The following EYS variants were observed in gnomAD, a reference collection of about 807,000 sequenced individuals.
EYS encodes protein eyes shut homolog.
EYS carries 250 observed loss-of-function variants against 282.1 expected under a neutral mutation model. The ratio of observed to expected loss-of-function variants is 0.89; its 90% CI spans 0.80 to 0.98. The LOEUF is 0.98. Ranked by LOEUF, EYS falls within the 50% of genes least tolerant of loss-of-function variation. The pLI is 0.00. For missense variants in EYS, 4,016 were observed against 3,709.0 expected, an observed-to-expected ratio of 1.08 and a Z score of -2.15; for synonymous variants, 1,355 against 1,282.9, an observed-to-expected ratio of 1.06 and a Z score of -1.20.
In EYS at chr6:63,972,885, A is replaced by G. The variant is rs138345839; in HGVS notation, c.7055+11498T>C. 8.2e-3 allele frequency among the ~76,000 whole-genome samples: 1,250 copies of G among 152,184 alleles called. 20 individuals carry two copies. Among genetic ancestry groups the G allele is most frequent in the African/African-American group, 0.027 (1,102 of 41,542 alleles). On this transcript the variant is annotated intron_variant, in intron 35 of 42. Transcript: ENST00000503581. ...CATGAACTCATCCTTTTTTATGGGT[A>G]CACAGTATTCCATGGTGTATATGTG... is the stretch of plus-strand genomic sequence containing the variant.
intron 7 of EYS, among the ~76,000 whole-genome samples, chr6:65,391,494 A>G (rs1035730943): frequency 9.2e-5 from 14 of 152,150 alleles, no homozygotes; most frequent in African/African-American, 3.1e-4. Flanking sequence ...AAATCAATGT[A>G]CAAAAATCAC....
chr6:63,960,726 C>A (rs1441804097), intron 35 of EYS, among the ~76,000 whole-genome samples: 1 of 152,180 alleles, frequency 6.6e-6, no homozygotes, highest in African/African-American at 2.4e-5. Context: ...TTGCCGAAGG[C>A]TTAAATGGTC....
intron 8 of EYS, among the ~76,000 whole-genome samples, chr6:65,382,475 G>C (rs1454026324): frequency 5.3e-5 from 8 of 150,822 alleles, no homozygotes; most frequent in South Asian, 2.1e-4. Context: ...GTGTGTGTGT[G>C]TGTGTGTGTG....
chr6:64,296,354 C>T (rs1001178995), intron 30 of EYS, among the ~76,000 whole-genome samples: 15 of 152,008 alleles, frequency 9.9e-5, no homozygotes, highest in South Asian at 4.2e-4. Context: ...CATATAACAG[C>T]GCCATTCTTA....
At chr6:65,280,048 T>A (rs750764978) in intron 12 of EYS, among the ~76,000 whole-genome samples, 7 of 152,178 alleles carry the variant, frequency 4.6e-5, no homozygotes, top group Non-Finnish European at 7.4e-5. Flanking sequence ...TGGTATCCTC[T>A]TATAAAGTCA....
chr6:63,881,301 T>C (rs1186066986), intron 35 of EYS, among the ~76,000 whole-genome samples: 2 of 152,186 alleles, frequency 1.3e-5, no homozygotes, highest in Non-Finnish European at 2.9e-5. Flanking sequence ...CCAAAACTGC[T>C]AGGCTCACTA....
intron 29 of EYS, among the ~76,000 whole-genome samples, chr6:64,310,078 A>AAAAAAAAAAAAC (rs1554142131): frequency 4.8e-5 from 7 of 145,222 alleles, no homozygotes; most frequent in African/African-American, 1.6e-4. Flanking sequence ...ATAAAAAAAA[A>AAAAAAAAAAAAC]AATAACAGAT....
At chr6:64,115,674 C>A (rs1190016389) in intron 31 of EYS, among the ~76,000 whole-genome samples, 1 of 152,120 alleles carries the variant, frequency 6.6e-6, no homozygotes, top group African/African-American at 2.4e-5. Context: ...GTCCTCACAT[C>A]CACCCATAGG....
chr6:65,064,426 CCATATAT>C (rs1382701298), intron 12 of EYS, among the ~76,000 whole-genome samples: 109 of 143,380 alleles, frequency 7.6e-4, no homozygotes, highest in Non-Finnish European at 1.3e-3. Context: ...ATACCATATA[CCATATAT>C]CATATATACT....
rs1765089843 is a variant in EYS at position 63,937,340 on chromosome 6, CTTTTCTTTTTTTTTT to C, written c.7055+47028_7055+47042del. 2.9e-3 allele frequency among the ~76,000 whole-genome samples: 133 copies of C among 46,064 alleles called. 7 individuals carry two copies. Among genetic ancestry groups the C allele is most frequent in the Admixed American group, 4.3e-3 (15 of 3,484 alleles). The allele number at this position is 46,064 out of a possible 152,430, so 30.2% of individuals were successfully genotyped here. On this transcript the variant is annotated intron_variant, in intron 35 of 42. Coordinates refer to ENST00000503581, the MANE Select transcript of EYS (RefSeq NM_001142800.2). ...AGATCCAAATTTTCTAGGCTTCTCTCTTTTCTTTTTTTTTTTTTTTTTTTTTTTTTTTTTTTTTTT... is the reference window on the plus strand; with the variant it reads ...AGATCCAAATTTTCTAGGCTTCTCTCTTTTTTTTTTTTTTTTTTTTTTTTT...
At chr6:64,432,956 C>A (rs1206873953) in intron 28 of EYS, among the ~76,000 whole-genome samples, 1 of 151,970 alleles carries the variant, frequency 6.6e-6, no homozygotes, top group African/African-American at 2.4e-5. Flanking sequence ...CTTTATTATG[C>A]CAAACTGTAT....
At chr6:64,987,615 G>T (rs558265093) in intron 14 of EYS, among the ~76,000 whole-genome samples, 56 of 151,522 alleles carry the variant, frequency 3.7e-4, no homozygotes, top group African/African-American at 1.4e-3. Flanking sequence ...GACAGAAAGG[G>T]AATCTTGGGG....
chr6:64,011,480 C>T (rs1013138683), intron 33 of EYS, among the ~76,000 whole-genome samples: 1 of 151,832 alleles, frequency 6.6e-6, no homozygotes, highest in African/African-American at 2.4e-5. Flanking sequence ...GGACTAATTT[C>T]TTTGGCTTTT....
chr6:64,366,648 T>C (rs749257374), intron 29 of EYS, among the ~76,000 whole-genome samples: 66 of 152,026 alleles, frequency 4.3e-4, no homozygotes, highest in Non-Finnish European at 8.8e-4. Context: ...TCAAGGAGGC[T>C]GTTAGCAAAG....
intron 11 of EYS, chr6:65,331,085 C>A: frequency 4.1e-6 from 4 of 984,186 alleles, no homozygotes; most frequent in Non-Finnish European, 4.8e-6. Context: ...TATGGTTCAT[C>A]AGATCCCACC....
At chr6:65,697,260 A>T (rs140199482) in intron 1 of EYS, among the ~76,000 whole-genome samples, 247 of 152,222 alleles carry the variant, frequency 1.6e-3, no homozygotes, top group African/African-American at 5.7e-3. Context: ...TTCATCATGT[A>T]TACTTTAGAC....
intron 30 of EYS, among the ~76,000 whole-genome samples, chr6:64,297,514 T>C (rs534535043): frequency 6.6e-6 from 1 of 152,278 alleles, no homozygotes; most frequent in Non-Finnish European, 1.5e-5. Context: ...GTGAAAATCT[T>C]AAAAGCAGCA....
intron 35 of EYS, among the ~76,000 whole-genome samples, chr6:63,963,338 CTT>C: frequency 1.3e-5 from 2 of 151,926 alleles, no homozygotes; most frequent in South Asian, 4.2e-4. Flanking sequence ...CATATGAACT[CTT>C]TAACTTTATA....
chr6:65,280,383 T>G (rs1171433794), intron 12 of EYS, among the ~76,000 whole-genome samples: 1 of 152,154 alleles, frequency 6.6e-6, no homozygotes, highest in East Asian at 1.9e-4. Context: ...AATTATAACT[T>G]TAGTTTTTAT....
Sources: gnomAD v4.1 joint callset for allele counts (sites outside exome capture counted in the v4.1 genomes callset) on GRCh38, gnomAD v4.1.1 for gene constraint, MANE v1.5 for transcripts, NCBI Gene and HGNC (gene_info 2026-07-23, HGNC 2026-07-21) for gene names.